SPAG17: variants seen among roughly 807,000 people sequenced by gnomAD.
The protein encoded by SPAG17 is sperm associated antigen 17, also known as sperm-associated antigen 17.
In SPAG17, 169 loss-of-function variants were observed where a neutral mutation model predicts 273.6. That is an observed-to-expected ratio of 0.62 (90% confidence interval 0.55 to 0.70). The LOEUF is 0.70. Ranked by LOEUF, SPAG17 falls within the 30% of genes least tolerant of loss-of-function variation. SPAG17 has a pLI of 0.00. For missense variants in SPAG17, 2,557 were observed against 2,627.8 expected (o/e 0.97, Z 0.59); for synonymous variants, 825 against 873.2 (o/e 0.94, Z 0.97).
intron 19 of SPAG17, among the ~76,000 whole-genome samples, chr1:118,054,464 T>C (rs1406120959): frequency 6.6e-6 from 1 of 152,134 alleles, no homozygotes; most frequent in Non-Finnish European, 1.5e-5. Context: ...CTTTTGCCAT[T>C]GTAGTCATTC....
At chr1:118,004,602 C>T (rs72631715) in intron 32 of SPAG17, among the ~76,000 whole-genome samples, 9,753 of 152,324 alleles carry the variant, frequency 0.064, 522 homozygotes, top group East Asian at 0.31. Flanking sequence ...GCTCCTTGGG[C>T]GTGAGATCCA....
intron 48 of SPAG17, chr1:117,959,105 G>A: frequency 3.8e-6 from 5 of 1,302,560 alleles, no homozygotes; most frequent in South Asian, 1.4e-5. Flanking sequence ...ACCCACCACC[G>A]ATAAATCCAT....
At chr1:118,047,446 C>T (rs2101959931) in intron 20 of SPAG17, among the ~76,000 whole-genome samples, 2 of 152,208 alleles carry the variant, frequency 1.3e-5, no homozygotes, top group South Asian at 2.1e-4. Context: ...GACTCAGGCT[C>T]TAGGCCCACC....
intron 16 of SPAG17, 61 bp from the exon 17 acceptor site, chr1:118,074,028 T>C: frequency 8.5e-7 from 1 of 1,174,868 alleles, no homozygotes; most frequent in South Asian, 1.6e-5. Flanking sequence ...TGGAGCCCTC[T>C]TGGGCTCCGT....
At position 118,081,500 on chromosome 1, in the gene SPAG17, C is replaced by T. The variant is rs2298176; in HGVS notation, c.1905G>A (p.Pro635=). 107,455 of 1,613,654 alleles carry T rather than the reference C, an allele frequency of 0.067. 4,994 individuals are homozygous for T. Among genetic ancestry groups the T allele is most frequent in the East Asian group, 0.24 (10,865 of 44,852 alleles). ...CGSDSEMFNI[P]WDNPARFAKQ... ...TAGCAAATCTGGCAGGGTTGTCCCA[C>T]GGTATGTTGAACATTTCAGAATCTG... Residue 635 remains proline (P), a synonymous_variant, in exon 14 of 49, where the codon CCG becomes CCA. Coordinates refer to ENST00000336338, the MANE Select transcript of SPAG17 (RefSeq NM_206996.4).
intron 3 of SPAG17, among the ~76,000 whole-genome samples, chr1:118,137,398 G>T (rs939411187): frequency 6.6e-6 from 1 of 152,212 alleles, no homozygotes; most frequent in Non-Finnish European, 1.5e-5. Context: ...GTTAGTGTAA[G>T]AGTGTTTCAT....
chr1:117,958,825 A>C (rs1652606221), intron 48 of SPAG17: 1 of 660,906 alleles, frequency 1.5e-6, no homozygotes, highest in South Asian at 2.9e-5. Flanking sequence ...TGTTGCTTTG[A>C]TATTGTGTCT....
chr1:118,067,035 G>A, intron 17 of SPAG17, 136 bp from the exon 18 acceptor site: 1 of 769,742 alleles, frequency 1.3e-6, no homozygotes, highest in Admixed American at 3.5e-5. Flanking sequence ...AATTCCCAGA[G>A]GTTTCTTTCC....
intron 45 of SPAG17, 101 bp downstream of exon 45, chr1:117,971,762 T>C: frequency 1.1e-6 from 1 of 921,766 alleles, no homozygotes; most frequent in South Asian, 1.9e-5. Context: ...AAGGAGTAAT[T>C]ACAGTTCGGT....
chr1:117,981,423 T>C, intron 42 of SPAG17, 22 bp from the exon 43 acceptor site: 1 of 1,579,940 alleles, frequency 6.3e-7, no homozygotes, highest in Non-Finnish European at 8.5e-7. Context: ...AAAATGAACC[T>C]TATAAAGTGA....
intron 43 of SPAG17, among the ~76,000 whole-genome samples, chr1:117,975,971 C>T (rs1217690281): frequency 6.6e-6 from 1 of 152,156 alleles, no homozygotes; most frequent in Non-Finnish European, 1.5e-5. Context: ...CATACATTAA[C>T]TAATTTAATT....
intron 20 of SPAG17, among the ~76,000 whole-genome samples, chr1:118,048,352 T>G (rs956493373): frequency 1.3e-5 from 2 of 151,542 alleles, no homozygotes; most frequent in African/African-American, 2.4e-5. Context: ...GGATTCAGGA[T>G]CCAGGCTTGT....
At chr1:118,045,476 G>A (rs1213914909) in intron 20 of SPAG17, among the ~76,000 whole-genome samples, 2 of 152,170 alleles carry the variant, frequency 1.3e-5, no homozygotes, top group African/African-American at 2.4e-5. Flanking sequence ...ACTTCCATGG[G>A]GACAGAAGCT....
rs901569906 is a variant in SPAG17 at position 118,097,435 on chromosome 1, G to T, written c.1011+235C>A. Reference sequence around the variant, plus strand: ...CATATAAAAGAATCACCATCCTTTTGATCCTCATCTACTACATCTTATTAT... The same window carrying T: ...CATATAAAAGAATCACCATCCTTTTTATCCTCATCTACTACATCTTATTAT... On this transcript the variant is annotated intron_variant, in intron 7 of 48. Transcript: ENST00000336338. 5.9e-5 allele frequency among the ~76,000 whole-genome samples: 9 copies of T among 152,224 alleles called. No homozygotes were observed. In the East Asian group the frequency reaches 1.7e-3, roughly 29 times the overall value.
intron 48 of SPAG17, among the ~76,000 whole-genome samples, chr1:117,957,441 A>G (rs1300863601): frequency 6.6e-6 from 1 of 152,220 alleles, no homozygotes; most frequent in Non-Finnish European, 1.5e-5. Context: ...TCTTTAAGTA[A>G]GAAGTCATGG....
chr1:117,958,933 G>C, intron 48 of SPAG17: 1 of 1,613,964 alleles, frequency 6.2e-7, no homozygotes. Flanking sequence ...CAGATCACTA[G>C]CAATCAAATG....
intron 32 of SPAG17, among the ~76,000 whole-genome samples, 156 bp downstream of exon 32, chr1:118,005,258 T>G (rs1658755647): frequency 6.6e-6 from 1 of 152,230 alleles, no homozygotes; most frequent in South Asian, 2.1e-4. Flanking sequence ...AAAGGAAATG[T>G]ATTGACATTC....
Position 118,081,498 on chromosome 1 carries a change from CACGGTA to C in SPAG17, c.1901_1906del (p.Ile634_Trp636delinsArg). On this transcript the variant is annotated inframe_deletion, in exon 14 of 49. Transcript: ENST00000336338. ...TTTAGCAAATCTGGCAGGGTTGTCC[CACGGTA>C]TGTTGAACATTTCAGAATCTGACCC... The C allele has an allele frequency of 6.2e-7, 1 of 1,613,760 alleles. No homozygotes were observed.
At chr1:118,092,588 T>A (rs899242953) in intron 8 of SPAG17, among the ~76,000 whole-genome samples, 1 of 152,220 alleles carries the variant, frequency 6.6e-6, no homozygotes, top group African/African-American at 2.4e-5. Flanking sequence ...TCCCCTATCA[T>A]GCTTTCCATT....
Sources: allele counts gnomAD v4.1 joint callset (sites outside exome capture counted in the v4.1 genomes callset), GRCh38; gene constraint gnomAD v4.1.1; transcripts MANE v1.5; gene names NCBI Gene and HGNC (gene_info 2026-07-23, HGNC 2026-07-21).